The following POLR3B variants were observed in gnomAD, a reference collection of about 807,000 sequenced individuals.
POLR3B encodes the protein DNA-directed RNA polymerase III subunit RPC2.
POLR3B carries 96 observed loss-of-function variants against 147.4 expected under a neutral mutation model. The observed-to-expected ratio is 0.65, with a 90% CI of 0.55 to 0.77. The LOEUF is 0.77. POLR3B is among the 30% of genes least tolerant of loss of function. POLR3B has a pLI of 0.00. For synonymous variants in POLR3B, 461 were observed against 485.9 expected, an observed-to-expected ratio of 0.95 and a Z score of 0.67; for missense variants, 1,036 against 1,413.5, an observed-to-expected ratio of 0.73 and a Z score of 4.28.
At chr12:106,359,137 C>G (rs2036430539) in intron 1 of POLR3B, among the ~76,000 whole-genome samples, 1 of 152,074 alleles carries the variant, frequency 6.6e-6, no homozygotes. Flanking sequence ...ATCACTTGAG[C>G]CTGGAAGGTC....
At chr12:106,439,644 A>AAT (rs977724281) in intron 18 of POLR3B, among the ~76,000 whole-genome samples, 10 of 152,168 alleles carry the variant, frequency 6.6e-5, no homozygotes, top group African/African-American at 2.4e-4. Context: ...CCCTGTTGCC[A>AAT]ATATATATAT....
intron 12 of POLR3B, among the ~76,000 whole-genome samples, chr12:106,413,777 C>CT (rs2037262382): frequency 6.6e-6 from 1 of 151,724 alleles, no homozygotes; most frequent in South Asian, 2.1e-4. Flanking sequence ...TTTCTGTTCT[C>CT]TTTTTTCTAT....
chr12:106,508,357 C>G (rs545010637), intron 27 of POLR3B, among the ~76,000 whole-genome samples: 1 of 152,336 alleles, frequency 6.6e-6, no homozygotes, highest in Admixed American at 6.5e-5. Flanking sequence ...AATGGCCAAT[C>G]CTTTGTTCAC....
At position 106,376,451 on chromosome 12, in the gene POLR3B, G is replaced by A. The variant is rs1186072780; in HGVS notation, c.496+1G>A. Reference sequence around the variant, plus strand: ...CTGAACGAATGTCCCTTAGATCCAGGTATGTGTGAAGTCTTGGATTTGTCC... The same window carrying A: ...CTGAACGAATGTCCCTTAGATCCAGATATGTGTGAAGTCTTGGATTTGTCC... On this transcript the variant is annotated splice_donor_variant, in intron 7 of 27. Coordinates refer to ENST00000228347, the MANE Select transcript of POLR3B (RefSeq NM_018082.6). LOFTEE classifies it high-confidence loss of function. The A allele has an allele frequency of 2.5e-6, 4 of 1,602,088 alleles. No homozygotes were observed. The highest frequency in any genetic ancestry group is 2.2e-5 in the East Asian group (1 of 44,804).
At chr12:106,485,164 A>G (rs549285557) in intron 23 of POLR3B, among the ~76,000 whole-genome samples, 1 of 150,906 alleles carries the variant, frequency 6.6e-6, no homozygotes, top group Non-Finnish European at 1.5e-5. Flanking sequence ...TGGCACCAGC[A>G]TCTGGAGAGG....
chr12:106,444,379 G>C, intron 18 of POLR3B, 84 bp from the exon 19 acceptor site: 1 of 1,369,420 alleles, frequency 7.3e-7, no homozygotes, highest in Non-Finnish European at 1.0e-6. Context: ...GGAGGACCTA[G>C]ATAACAATAT....
intron 15 of POLR3B, 54 bp from the exon 16 acceptor site, chr12:106,433,665 T>C: frequency 6.9e-7 from 1 of 1,442,276 alleles, no homozygotes; most frequent in East Asian, 2.3e-5. Flanking sequence ...ATATATTAAA[T>C]CAGGTTGCAT....
At chr12:106,381,315 T>C (rs2036760489) in intron 9 of POLR3B, among the ~76,000 whole-genome samples, 1 of 152,260 alleles carries the variant, frequency 6.6e-6, no homozygotes, top group African/African-American at 2.4e-5. Flanking sequence ...TTGGAGTCAG[T>C]GATAGCATTT....
intron 12 of POLR3B, among the ~76,000 whole-genome samples, 155 bp downstream of exon 12, chr12:106,411,115 T>A (rs1263543715): frequency 6.6e-6 from 1 of 152,198 alleles, no homozygotes; most frequent in African/African-American, 2.4e-5. Context: ...AGAATTCCTT[T>A]AACTATAAAA....
chr12:106,439,860 C>T (rs1428620965), intron 18 of POLR3B, among the ~76,000 whole-genome samples: 1 of 151,928 alleles, frequency 6.6e-6, no homozygotes, highest in Non-Finnish European at 1.5e-5. Flanking sequence ...AGTTTGAGAT[C>T]AACCTGGGCA....
chr12:106,496,306 A>T, intron 24 of POLR3B, 148 bp downstream of exon 24: 1 of 710,480 alleles, frequency 1.4e-6, no homozygotes, highest in South Asian at 1.5e-5. Context: ...ACAGGCTTCC[A>T]GCCCCTAACG....
At chr12:106,472,952 G>A (rs1164081423) in intron 23 of POLR3B, among the ~76,000 whole-genome samples, 5 of 132,714 alleles carry the variant, frequency 3.8e-5, no homozygotes, top group Non-Finnish European at 7.9e-5. Flanking sequence ...CCTATGTCCT[G>A]AATGGTAATG....
Position 106,357,751 on chromosome 12 carries a change from T to C in POLR3B, c.-129T>C. ...GCGGGCGGAACCTTTCTACCGCGTC[T>C]CTAGCTAACACGCACGGCGGGGACA... On this transcript the variant is annotated 5_prime_UTR_variant, in exon 1 of 28. Coordinates refer to ENST00000228347, the MANE Select transcript of POLR3B (RefSeq NM_018082.6). 1.1e-6 allele frequency: 1 copy of C among 944,574 alleles called. No homozygotes were observed. Among genetic ancestry groups the C allele is most frequent in the Non-Finnish European group, 1.7e-6 (1 of 600,648 alleles). 58.5% of individuals were successfully genotyped at this position (944,574 alleles called of 1,614,324 possible).
At position 106,496,796 on chromosome 12, in the gene POLR3B, G is replaced by A. The variant is rs1430956040; in HGVS notation, c.2862G>A (p.Leu954=). Residue 954 remains leucine (L), a synonymous_variant, in exon 25 of 28, where the codon CTG becomes CTA. Coordinates refer to ENST00000228347, the MANE Select transcript of POLR3B (RefSeq NM_018082.6). ...IELLAGKAGV[L]DGRFHYGTAF... is the part of the protein sequence containing the mutation. Reference sequence around the variant, plus strand: ...TGCTGGCTGGCAAGGCCGGTGTGCTGGACGGCAGATTCCACTACGGCACTG... The same window carrying A: ...TGCTGGCTGGCAAGGCCGGTGTGCTAGACGGCAGATTCCACTACGGCACTG... 6.2e-7 allele frequency: 1 copy of A among 1,614,164 alleles called. No individual in the cohort carries two copies. The highest frequency in any genetic ancestry group is 8.5e-7 in the Non-Finnish European group (1 of 1,180,022).
chr12:106,363,666 C>A (rs1406953039), intron 1 of POLR3B, among the ~76,000 whole-genome samples: 1 of 152,214 alleles, frequency 6.6e-6, no homozygotes, highest in Admixed American at 6.5e-5. Flanking sequence ...AAGTTATATT[C>A]TGTTTAGGAA....
intron 9 of POLR3B, among the ~76,000 whole-genome samples, chr12:106,386,511 G>A (rs1323769308): frequency 1.3e-5 from 2 of 151,892 alleles, no homozygotes; most frequent in Non-Finnish European, 2.9e-5. Flanking sequence ...TAATTATAAT[G>A]CATATAATCT....
At position 106,504,356 on chromosome 12, in the gene POLR3B, CTG is replaced by C; in HGVS notation, c.3272+105_3272+106del. The C allele has an allele frequency of 1.1e-6, 1 of 932,146 alleles. No homozygotes were observed. The highest frequency in any genetic ancestry group is 2.4e-5 in the East Asian group (1 of 41,626). The allele number at this position is 932,146 out of a possible 1,614,324, so 57.7% of individuals were successfully genotyped here. A position where few individuals can be genotyped will look rare whatever the true frequency, so the allele number is the denominator to read the frequency against. ...TATCCGCATATTCTCCAGCCTCTGT[CTG>C]TGATCACTAACATACCCTCCCTCAT... is the stretch of plus-strand genomic sequence containing the variant. On this transcript the variant is annotated intron_variant, in intron 27 of 27. Coordinates refer to ENST00000228347, the MANE Select transcript of POLR3B (RefSeq NM_018082.6). The surrounding 1 kb of genome is among the most constrained non-coding windows in gnomAD (Gnocchi z 4.6).
intron 12 of POLR3B, 30 bp downstream of exon 12, chr12:106,410,990 G>A (rs1444057349): frequency 1.2e-6 from 2 of 1,600,314 alleles, no homozygotes; most frequent in African/African-American, 2.7e-5. Flanking sequence ...CAGAAATCTT[G>A]TTTTCCTTAA....
intron 12 of POLR3B, among the ~76,000 whole-genome samples, chr12:106,417,468 T>G (rs948592040): frequency 6.6e-6 from 1 of 152,118 alleles, no homozygotes; most frequent in Non-Finnish European, 1.5e-5. Context: ...GGGAGTGACA[T>G]GATCTGATTT....
Sources: allele counts gnomAD v4.1 joint callset (sites outside exome capture counted in the v4.1 genomes callset), GRCh38; gene constraint gnomAD v4.1.1; non-coding constraint Gnocchi (gnomAD v3.1); transcripts MANE v1.5; gene names NCBI Gene and HGNC (gene_info 2026-07-23, HGNC 2026-07-21).